The following TMEM74 variants were observed in gnomAD, a reference collection of about 807,000 sequenced individuals.
TMEM74 encodes the protein transmembrane protein 74.
In TMEM74, 13 loss-of-function variants were observed where a neutral mutation model predicts 18.1. The ratio of observed to expected loss-of-function variants is 0.72; its 90% confidence interval spans 0.47 to 1.14. The LOEUF (loss-of-function observed/expected upper bound fraction) is 1.14. TMEM74 is among the 50% of genes most tolerant of loss of function. TMEM74 has a pLI of 0.00. For missense variants in TMEM74, 372 were observed against 375.9 expected, an observed-to-expected ratio of 0.99 and a Z score of 0.09; for synonymous variants, 159 against 146.6, an observed-to-expected ratio of 1.08 and a Z score of -0.61.
At position 108,785,037 on chromosome 8, in the gene TMEM74, C is replaced by T. The variant is rs376076267; in HGVS notation, c.62G>A (p.Trp21Ter). Reference sequence around the variant, plus strand: ...GTCACCAGGCAGCCCTCTTGAACTCCAGTCCCTGGCATCACAGAGGTCTGC... The same window carrying T: ...GTCACCAGGCAGCCCTCTTGAACTCTAGTCCCTGGCATCACAGAGGTCTGC... ...NQADLCDARD[W>*]SSRGLPGDQA... is the part of the protein sequence containing the mutation. Residue 21 changes from tryptophan to a stop codon, truncating the protein, a stop_gained, in exon 2 of 2, where the codon TGG becomes TAG. Coordinates refer to ENST00000297459, the MANE Select transcript of TMEM74 (RefSeq NM_153015.3). LOFTEE classifies it high-confidence loss of function. 5 of 1,613,796 alleles carry T rather than the reference C, an allele frequency of 3.1e-6. No homozygotes were observed. In the African/African-American group the frequency reaches 6.7e-5, roughly 22 times the overall value.
intron 2 of TMEM74, among the ~76,000 whole-genome samples, chr8:108,612,803 A>G (rs1437311737): frequency 6.6e-6 from 1 of 152,190 alleles, no homozygotes; most frequent in African/African-American, 2.4e-5. Context: ...TTCTTCTTCA[A>G]GTTGAAGAAG....
At chr8:108,650,485 T>C (rs1188393778) in intron 2 of TMEM74, among the ~76,000 whole-genome samples, 6 of 152,200 alleles carry the variant, frequency 3.9e-5, no homozygotes, top group Non-Finnish European at 5.9e-5. Flanking sequence ...CTCCATACCA[T>C]TGGGTTCCCC....
intron 2 of TMEM74, among the ~76,000 whole-genome samples, chr8:108,614,218 A>C (rs555198521): frequency 2.0e-5 from 3 of 152,312 alleles, no homozygotes; most frequent in Admixed American, 2.0e-4. Flanking sequence ...AGTTCAACAT[A>C]TTGCAATACT....
At chr8:108,742,893 G>A (rs1331425293) in intron 1 of TMEM74, among the ~76,000 whole-genome samples, 1 of 152,166 alleles carries the variant, frequency 6.6e-6, no homozygotes, top group African/African-American at 2.4e-5. Flanking sequence ...GCAAATATGA[G>A]TTACTATTAT....
intron 2 of TMEM74, among the ~76,000 whole-genome samples, chr8:108,636,931 C>T (rs973148223): frequency 6.6e-6 from 1 of 152,012 alleles, no homozygotes; most frequent in Non-Finnish European, 1.5e-5. Flanking sequence ...ATGTGTTGAC[C>T]ATGATCGGTC....
intron 2 of TMEM74, among the ~76,000 whole-genome samples, chr8:108,649,063 A>C (rs1289589982): frequency 6.6e-6 from 1 of 152,188 alleles, no homozygotes; most frequent in Non-Finnish European, 1.5e-5. Flanking sequence ...TGAGGATTTC[A>C]TCCATTCTTT....
chr8:108,739,670 C>T (rs1813780279), intron 1 of TMEM74, among the ~76,000 whole-genome samples: 1 of 152,082 alleles, frequency 6.6e-6, no homozygotes, highest in African/African-American at 2.4e-5. Flanking sequence ...GATTTTATGT[C>T]AGAAGATGAA....
chr8:108,720,497 C>T (rs1813574881), intron 1 of TMEM74, among the ~76,000 whole-genome samples: 1 of 152,148 alleles, frequency 6.6e-6, no homozygotes, highest in Admixed American at 6.5e-5. Flanking sequence ...ACTTCTTATG[C>T]TTTATGAATA....
rs1320256498 is a variant in TMEM74 at position 108,780,802 on chromosome 8, T to C, written c.*3379A>G. ...GTCTTCCTGTAAACTATAAATCACCTACACAGTGGGGAGCATGACGAAAAG... is the reference window on the plus strand; with the variant it reads ...GTCTTCCTGTAAACTATAAATCACCCACACAGTGGGGAGCATGACGAAAAG... On this transcript the variant is annotated 3_prime_UTR_variant, in exon 2 of 2. Transcript: ENST00000297459. Among the ~76,000 whole-genome samples the C allele has an allele frequency of 1.3e-5, 2 of 152,076 alleles. No homozygotes were observed. Among genetic ancestry groups the C allele is most frequent in the Non-Finnish European group, 2.9e-5 (2 of 67,992 alleles).
rs1814351462 is a variant in TMEM74 at position 108,784,498 on chromosome 8, C to T, written c.601G>A (p.Glu201Lys). Residue 201 changes from glutamate to lysine, a missense_variant, in exon 2 of 2, where the codon GAA becomes AAA. Physicochemically the swap from Glu to Lys is moderately conservative, Grantham distance 56. Transcript: ENST00000297459. ...ACAGTGTTGGGGTCCACAGTCACTTCCCGTGGGACGATGTAAGAGATGATC... is the reference window on the plus strand; with the variant it reads ...ACAGTGTTGGGGTCCACAGTCACTTTCCGTGGGACGATGTAAGAGATGATC... ...LVIISYIVPREVTVDPNTVAA... is the reference protein window; with the variant it reads ...LVIISYIVPRKVTVDPNTVAA... 2 of 1,614,068 alleles carry T rather than the reference C, an allele frequency of 1.2e-6. No homozygotes were observed. Among genetic ancestry groups the T allele is most frequent in the Admixed American group, 1.7e-5 (1 of 60,006 alleles).
intron 2 of TMEM74, among the ~76,000 whole-genome samples, chr8:108,611,638 G>A (rs1563731865): frequency 6.6e-6 from 1 of 152,102 alleles, no homozygotes; most frequent in Non-Finnish European, 1.5e-5. Context: ...ATGTGTTGTT[G>A]CCGATTTTTA....
intron 2 of TMEM74, among the ~76,000 whole-genome samples, chr8:108,630,008 C>T (rs13270136): frequency 0.019 from 2,931 of 152,122 alleles, 55 homozygotes; most frequent in Non-Finnish European, 0.031. Context: ...TGTAAATGGG[C>T]TAAATGCTCC....
intron 2 of TMEM74, among the ~76,000 whole-genome samples, chr8:108,646,341 T>A (rs1373152912): frequency 6.6e-6 from 1 of 152,110 alleles, no homozygotes; most frequent in East Asian, 1.9e-4. Flanking sequence ...CTTAGACAAT[T>A]AGCTAAATGT....
At chr8:108,711,344 T>C (rs1160735595) in intron 1 of TMEM74, among the ~76,000 whole-genome samples, 1 of 152,188 alleles carries the variant, frequency 6.6e-6, no homozygotes, top group Non-Finnish European at 1.5e-5. Flanking sequence ...AGAATTTTAC[T>C]CTCTATTCCA....
intron 1 of TMEM74, among the ~76,000 whole-genome samples, chr8:108,787,119 G>A (rs1004751719): frequency 1.1e-4 from 17 of 152,004 alleles, no homozygotes; most frequent in African/African-American, 4.1e-4. Flanking sequence ...TAAAGCGAGG[G>A]GACACGCACT....
At chr8:108,617,222 A>G (rs955540279) in intron 2 of TMEM74, among the ~76,000 whole-genome samples, 3 of 151,942 alleles carry the variant, frequency 2.0e-5, no homozygotes, top group Admixed American at 1.3e-4. Context: ...GAAGGAGCCA[A>G]TGTGGGTGAG....
At chr8:108,663,280 A>G (rs1812918182) in intron 1 of TMEM74, among the ~76,000 whole-genome samples, 2 of 152,170 alleles carry the variant, frequency 1.3e-5, no homozygotes, top group African/African-American at 4.8e-5. Flanking sequence ...TACAAGAAAA[A>G]CAACATTAAA....
At chr8:108,667,156 C>T (rs1335504836) in intron 1 of TMEM74, among the ~76,000 whole-genome samples, 2 of 152,032 alleles carry the variant, frequency 1.3e-5, no homozygotes, top group Non-Finnish European at 2.9e-5. Flanking sequence ...GCTGTAATCT[C>T]GTTGATCTAG....
intron 1 of TMEM74, among the ~76,000 whole-genome samples, chr8:108,739,428 T>C (rs1813777907): frequency 6.6e-6 from 1 of 152,222 alleles, no homozygotes; most frequent in Non-Finnish European, 1.5e-5. Context: ...TTGGCTTTAC[T>C]GTTAGGAAAA....
Sources: gnomAD v4.1 joint callset for allele counts (sites outside exome capture counted in the v4.1 genomes callset) on GRCh38, gnomAD v4.1.1 for gene constraint, MANE v1.5 for transcripts, NCBI Gene and HGNC (gene_info 2026-07-23, HGNC 2026-07-21) for gene names.